KLHL25: variants seen among roughly 807,000 people sequenced by gnomAD.
The protein encoded by KLHL25 is kelch like family member 25.
In KLHL25, 41 loss-of-function variants were observed where a neutral mutation model predicts 30.0. The ratio of observed to expected loss-of-function variants is 1.37; its 90% CI spans 1.07 to 1.78. The LOEUF (loss-of-function observed/expected upper bound fraction) is 1.78. Ranked by LOEUF, KLHL25 falls within the 40% of genes most tolerant of loss-of-function variation. KLHL25 has a pLI of 0.00. For missense variants in KLHL25, 971 were observed against 824.5 expected, an observed-to-expected ratio of 1.18 and a Z score of -2.18; for synonymous variants, 399 against 355.3, an observed-to-expected ratio of 1.12 and a Z score of -1.38.
At chr15:85,774,211 C>A (rs1204288257) in intron 1 of KLHL25, among the ~76,000 whole-genome samples, 1 of 152,154 alleles carries the variant, frequency 6.6e-6, no homozygotes, top group African/African-American at 2.4e-5. Flanking sequence ...TCTCGCTCTG[C>A]ACATATCACA....
At chr15:85,776,453 C>T (rs2089709738) in intron 1 of KLHL25, among the ~76,000 whole-genome samples, 1 of 152,104 alleles carries the variant, frequency 6.6e-6, no homozygotes, top group Non-Finnish European at 1.5e-5. Context: ...CGTGCCACTG[C>T]ACTCCAGCCT....
intron 1 of KLHL25, among the ~76,000 whole-genome samples, chr15:85,777,956 T>C (rs1245201519): frequency 6.6e-6 from 1 of 152,228 alleles, no homozygotes; most frequent in African/African-American, 2.4e-5. Flanking sequence ...AATTTAATCC[T>C]CACAACCAAG....
At chr15:85,762,900 T>G (rs979913038) in intron 2 of KLHL25, 3 of 152,368 alleles carry the variant, frequency 2.0e-5, no homozygotes, top group Non-Finnish European at 4.4e-5. Flanking sequence ...AGTGGATTAA[T>G]GAGCTCGGCC....
At chr15:85,776,074 A>C (rs1333231061) in intron 1 of KLHL25, among the ~76,000 whole-genome samples, 1 of 151,376 alleles carries the variant, frequency 6.6e-6, no homozygotes, top group Non-Finnish European at 1.5e-5. Context: ...TCGGGAGGTT[A>C]TAGCATGAGA....
At chr15:85,765,606 A>G (rs1311957250) in intron 2 of KLHL25, among the ~76,000 whole-genome samples, 2 of 138,058 alleles carry the variant, frequency 1.4e-5, no homozygotes, top group African/African-American at 5.3e-5. Context: ...AGCCTGGGGG[A>G]GAACGAGACT....
chr15:85,767,211 G>A (rs546584564), intron 2 of KLHL25, among the ~76,000 whole-genome samples: 49 of 152,132 alleles, frequency 3.2e-4, no homozygotes, highest in African/African-American at 1.0e-3. Flanking sequence ...GGATGGTCTC[G>A]ATCTCCTGAC....
At chr15:85,767,297 C>A (rs1469260462) in intron 2 of KLHL25, among the ~76,000 whole-genome samples, 2 of 152,038 alleles carry the variant, frequency 1.3e-5, no homozygotes, top group East Asian at 3.9e-4. Context: ...CCAGGACTGA[C>A]TTTCACATTG....
At chr15:85,782,621 T>G (rs1250547657) in intron 1 of KLHL25, among the ~76,000 whole-genome samples, 1 of 152,096 alleles carries the variant, frequency 6.6e-6, no homozygotes, top group Non-Finnish European at 1.5e-5. Context: ...TTGTCGGGTA[T>G]GTGGATGGCC....
chr15:85,788,397 A>G (rs1272233329), intron 1 of KLHL25, among the ~76,000 whole-genome samples: 1 of 152,152 alleles, frequency 6.6e-6, no homozygotes, highest in Non-Finnish European at 1.5e-5. Flanking sequence ...CTTCCTCTGC[A>G]GCTGCATATT....
intron 1 of KLHL25, chr15:85,770,495 G>C (rs1366087597): frequency 1.9e-6 from 1 of 534,098 alleles, no homozygotes; most frequent in Admixed American, 1.9e-5. Flanking sequence ...CTTGGAACAA[G>C]AGCCGCCATC....
intron 1 of KLHL25, among the ~76,000 whole-genome samples, chr15:85,792,003 C>T (rs2089820704): frequency 6.6e-6 from 1 of 152,176 alleles, no homozygotes; most frequent in South Asian, 2.1e-4. Context: ...GCACCCCTTC[C>T]CCAGTTTCTA....
intron 1 of KLHL25, among the ~76,000 whole-genome samples, chr15:85,790,145 A>C (rs1259171707): frequency 1.3e-5 from 2 of 152,122 alleles, no homozygotes; most frequent in African/African-American, 4.8e-5. Flanking sequence ...GCTGGAGTGC[A>C]ATGGTGCAAT....
At chr15:85,771,037 C>A (rs1047902442) in intron 1 of KLHL25, 14 of 194,690 alleles carry the variant, frequency 7.2e-5, no homozygotes, top group Admixed American at 7.1e-4. Flanking sequence ...CAGCTACCTG[C>A]CCCACTGACC....
intron 1 of KLHL25, among the ~76,000 whole-genome samples, chr15:85,786,913 T>TG (rs1472496273): frequency 6.6e-6 from 1 of 152,072 alleles, no homozygotes; most frequent in Admixed American, 6.6e-5. Flanking sequence ...AGCAGCCTAG[T>TG]GGGGGGCAGG....
intron 1 of KLHL25, among the ~76,000 whole-genome samples, chr15:85,772,199 G>A (rs1046905252): frequency 1.3e-5 from 2 of 152,188 alleles, no homozygotes; most frequent in South Asian, 4.1e-4. Context: ...GGGGAAACGT[G>A]GAGAGCCAAG....
chr15:85,762,754 T>TG, intron 2 of KLHL25: 1 of 152,422 alleles, frequency 6.6e-6, no homozygotes, highest in East Asian at 1.9e-4. Flanking sequence ...CCTGGGCACT[T>TG]GCTTAGCCAG....
At chr15:85,778,851 C>T (rs2089726763) in intron 1 of KLHL25, among the ~76,000 whole-genome samples, 2 of 152,120 alleles carry the variant, frequency 1.3e-5, no homozygotes, top group African/African-American at 4.8e-5. Context: ...ACAGAGGGAT[C>T]CCGAAGAGGA....
Position 85,777,967 on chromosome 15 carries a change from C to T in KLHL25, c.-10-8147G>A, listed in dbSNP as rs1188074353. The stretch of plus-strand genomic sequence containing the variant: ...ACAAAATTTAATCCTCACAACCAAG[C>T]TCAACATGGTTATGACTTTCTGTCT... On this transcript the variant is annotated intron_variant, in intron 1 of 2. Coordinates refer to ENST00000337975, the MANE Select transcript of KLHL25 (RefSeq NM_022480.4). 8.5e-5 allele frequency among the ~76,000 whole-genome samples: 13 copies of T among 152,362 alleles called. 1 individual carries two copies. The highest frequency in any genetic ancestry group is 5.9e-4 in the Admixed American group (9 of 15,308).
At chr15:85,786,994 C>A (rs1030527465) in intron 1 of KLHL25, among the ~76,000 whole-genome samples, 1 of 152,122 alleles carries the variant, frequency 6.6e-6, no homozygotes, top group Non-Finnish European at 1.5e-5. Flanking sequence ...CAATAAGAGG[C>A]AGAACCAGCA....
Sources: allele counts gnomAD v4.1 joint callset (sites outside exome capture counted in the v4.1 genomes callset), GRCh38; gene constraint gnomAD v4.1.1; transcripts MANE v1.5; gene names NCBI Gene and HGNC (gene_info 2026-07-23, HGNC 2026-07-21).